Variants in MCTP1 observed in about 807,000 individuals in gnomAD.
The protein encoded by MCTP1 is multiple C2 and transmembrane domain containing 1.
A neutral mutation model predicts 120.6 loss-of-function variants in MCTP1; 69 were observed. That is an observed-to-expected ratio of 0.57 (90% CI 0.47 to 0.70). The LOEUF is 0.70. MCTP1 is among the 30% of genes least tolerant of loss of function. MCTP1 has a pLI of 0.00. For synonymous variants in MCTP1, 529 were observed against 493.1 expected, an observed-to-expected ratio of 1.07 and a Z score of -0.96; for missense variants, 1,203 against 1,248.8, an observed-to-expected ratio of 0.96 and a Z score of 0.55.
At chr5:95,054,576 A>G (rs1746856977) in intron 1 of MCTP1, among the ~76,000 whole-genome samples, 2 of 152,216 alleles carry the variant, frequency 1.3e-5, no homozygotes, top group African/African-American at 4.8e-5. Context: ...TTCCTGGATC[A>G]GACTCATTTT....
intron 11 of MCTP1, among the ~76,000 whole-genome samples, chr5:94,890,133 G>A (rs565781416): frequency 9.2e-5 from 14 of 152,124 alleles, no homozygotes; most frequent in Non-Finnish European, 1.6e-4. Context: ...TGAGTGGCTA[G>A]AACTACCGGC....
At chr5:94,806,098 G>T (rs1782213529) in intron 17 of MCTP1, among the ~76,000 whole-genome samples, 1 of 151,684 alleles carries the variant, frequency 6.6e-6, no homozygotes, top group African/African-American at 2.4e-5. Flanking sequence ...TGAGGTTTGT[G>T]GAGCCAATTT....
At chr5:94,752,104 A>C (rs1768514717) in intron 19 of MCTP1, among the ~76,000 whole-genome samples, 1 of 56,064 alleles carries the variant, frequency 1.8e-5, no homozygotes, top group Non-Finnish European at 4.2e-5. Flanking sequence ...AACTTAAATA[A>C]TAAAATATAT....
chr5:94,999,678 C>T (rs958989547), intron 2 of MCTP1, among the ~76,000 whole-genome samples: 2 of 152,138 alleles, frequency 1.3e-5, no homozygotes, highest in African/African-American at 4.8e-5. Flanking sequence ...GAAGAAATAA[C>T]ACTTTTAAAA....
chr5:94,748,248 A>G (rs530591951), intron 19 of MCTP1, among the ~76,000 whole-genome samples: 20 of 152,302 alleles, frequency 1.3e-4, no homozygotes, highest in African/African-American at 4.6e-4. Context: ...CTTTTATAGG[A>G]AAGCATTTTC....
intron 17 of MCTP1, among the ~76,000 whole-genome samples, chr5:94,842,140 C>T (rs1184574462): frequency 6.6e-6 from 1 of 152,134 alleles, no homozygotes; most frequent in Admixed American, 6.5e-5. Flanking sequence ...TTAGTTGCTG[C>T]AGTGCTTAAA....
intron 19 of MCTP1, among the ~76,000 whole-genome samples, chr5:94,721,061 G>A (rs536044102): frequency 1.1e-4 from 16 of 152,206 alleles, no homozygotes; most frequent in African/African-American, 3.9e-4. Context: ...AATCCAGGAA[G>A]GTTTCAGTTC....
At chr5:94,920,784 A>ATT (rs1267617585) in intron 7 of MCTP1, among the ~76,000 whole-genome samples, 12 of 150,610 alleles carry the variant, frequency 8.0e-5, no homozygotes, top group African/African-American at 2.9e-4. Context: ...TAAATAAATA[A>ATT]ATAATAAAAA....
At chr5:94,949,559 T>A (rs11948005) in intron 3 of MCTP1, among the ~76,000 whole-genome samples, 6,047 of 152,116 alleles carry the variant, frequency 0.04, 393 homozygotes, top group African/African-American at 0.14. Context: ...AAGATTTTTT[T>A]AAAAAATAAA....
At position 94,954,781 on chromosome 5, in the gene MCTP1, T is replaced by C. The variant is rs1742857918; in HGVS notation, c.839-1420A>G. Among the ~76,000 whole-genome samples the C allele has an allele frequency of 2.0e-5, 3 of 152,208 alleles. No individual in the cohort carries two copies. The South Asian group carries it at 6.2e-4, about 32-fold the overall frequency. On this transcript the variant is annotated intron_variant, in intron 2 of 22. Coordinates refer to ENST00000515393, the MANE Select transcript of MCTP1 (RefSeq NM_024717.7). The stretch of plus-strand genomic sequence containing the variant: ...GCGTGTTAAAGTGGGCTTCATTTCA[T>C]CCTTGGTCCCATATTTTTTCTTGCT...
intron 1 of MCTP1, among the ~76,000 whole-genome samples, chr5:95,110,687 G>T (rs1343299396): frequency 2.0e-5 from 3 of 152,084 alleles, no homozygotes; most frequent in Non-Finnish European, 4.4e-5. Flanking sequence ...GTGGCATCGA[G>T]TATACCAATT....
At chr5:95,180,949 T>C (rs1308064126) in intron 1 of MCTP1, among the ~76,000 whole-genome samples, 2 of 152,182 alleles carry the variant, frequency 1.3e-5, no homozygotes, top group African/African-American at 4.8e-5. Flanking sequence ...TTTGCTCAGT[T>C]TGGTCTTCAG....
intron 1 of MCTP1, among the ~76,000 whole-genome samples, chr5:95,269,115 A>G (rs960971543): frequency 6.6e-6 from 1 of 152,214 alleles, no homozygotes; most frequent in African/African-American, 2.4e-5. Flanking sequence ...CTGTTGTCAC[A>G]AAGATTAAAT....
intron 1 of MCTP1, among the ~76,000 whole-genome samples, chr5:95,119,954 C>T (rs1262363898): frequency 2.6e-5 from 4 of 151,774 alleles, no homozygotes; most frequent in Non-Finnish European, 4.4e-5. Context: ...GGGCAGATCA[C>T]GAGGTCAGGA....
intron 12 of MCTP1, among the ~76,000 whole-genome samples, chr5:94,879,872 A>G (rs1723000469): frequency 6.6e-6 from 1 of 152,170 alleles, no homozygotes; most frequent in South Asian, 2.1e-4. Flanking sequence ...CAATGTAAAT[A>G]TGAATTTATT....
At chr5:95,200,772 T>C (rs571278829) in intron 1 of MCTP1, among the ~76,000 whole-genome samples, 1 of 152,364 alleles carries the variant, frequency 6.6e-6, no homozygotes, top group South Asian at 2.1e-4. Context: ...TATTGTGTTT[T>C]GAAAATTGCT....
intron 1 of MCTP1, among the ~76,000 whole-genome samples, chr5:95,070,027 C>G (rs1202949492): frequency 1.3e-5 from 2 of 152,172 alleles, no homozygotes; most frequent in Non-Finnish European, 2.9e-5. Flanking sequence ...GTAAGTGCTG[C>G]CAGCAGCTTG....
At chr5:95,002,428 C>G (rs1216552232) in intron 2 of MCTP1, among the ~76,000 whole-genome samples, 1 of 152,198 alleles carries the variant, frequency 6.6e-6, no homozygotes, top group Non-Finnish European at 1.5e-5. Flanking sequence ...TGAAAGCAAC[C>G]AGGATGGGGC....
At chr5:94,792,879 G>A (rs1419008455) in intron 18 of MCTP1, 1 of 152,180 alleles carries the variant, frequency 6.6e-6, no homozygotes, top group African/African-American at 2.4e-5. Flanking sequence ...CTGGGATAGA[G>A]TTACCAGATG....
Sources: allele counts gnomAD v4.1 joint callset (sites outside exome capture counted in the v4.1 genomes callset), GRCh38; gene constraint gnomAD v4.1.1; transcripts MANE v1.5; gene names NCBI Gene and HGNC (gene_info 2026-07-23, HGNC 2026-07-21).